Variants in DHRSX observed in about 807,000 individuals in gnomAD.
The protein encoded by DHRSX is polyprenol dehydrogenase.
Under a neutral mutation model 34.0 loss-of-function variants are expected in DHRSX, and 31 were observed. The observed-to-expected ratio is 0.91, with a 90% CI of 0.69 to 1.23. DHRSX has a LOEUF of 1.23. Among genes scored for constraint, DHRSX ranks in the 50% most tolerant of loss-of-function variants. The pLI is 0.00. For synonymous variants in DHRSX, 201 were observed against 183.8 expected (o/e 1.09, Z -0.76); for missense variants, 414 against 428.1 (o/e 0.97, Z 0.29).
chrX:2,321,051 A>C (rs2042305223), intron 3 of DHRSX, among the ~76,000 whole-genome samples: 2 of 152,264 alleles, frequency 1.3e-5, no homozygotes, highest in South Asian at 2.1e-4. Flanking sequence ...TCAGCCGAAC[A>C]CTGGCTCTGA....
chrX:2,428,385 G>A (rs761082487), intron 1 of DHRSX, among the ~76,000 whole-genome samples: 7 of 152,218 alleles, frequency 4.6e-5, no homozygotes, highest in African/African-American at 1.4e-4. Context: ...GCCCATCAAC[G>A]ATAGACTGAA....
At chrX:2,398,553 G>A (rs2043442358) in intron 3 of DHRSX, among the ~76,000 whole-genome samples, 1 of 151,946 alleles carries the variant, frequency 6.6e-6, no homozygotes, top group Non-Finnish European at 1.5e-5. Context: ...ATGTGTGGAT[G>A]TGCTTATTCT....
Position 2,266,874 on chromosome X carries a change from C to T in DHRSX, c.462G>A (p.Gly154=). 1 of 1,613,936 alleles carries T rather than the reference C, an allele frequency of 6.2e-7. No individual in the cohort carries two copies. The highest frequency in any genetic ancestry group is 8.5e-7 in the Non-Finnish European group (1 of 1,179,860). Residue 154 remains glycine (G), a synonymous_variant, in exon 5 of 7, where the codon GGG becomes GGA. Transcript: ENST00000334651. ...AGAGAAGGTTGGTCAGCAGGAAGTGCCCTAGGTAGTTCAGGCCGAAATGTT... is the reference window on the plus strand; with the variant it reads ...AGAGAAGGTTGGTCAGCAGGAAGTGTCCTAGGTAGTTCAGGCCGAAATGTT... ...FEEHFGLNYL[G]HFLLTNLLLD...
intron 4 of DHRSX, among the ~76,000 whole-genome samples, chrX:2,276,976 G>A (rs1260780511): frequency 1.0e-4 from 1 of 9,732 alleles, no homozygotes; most frequent in Non-Finnish European, 2.4e-4. Flanking sequence ...AGGAGGAAAT[G>A]GGGGAAGAGA....
chrX:2,295,332 A>G (rs1425119068), intron 3 of DHRSX, among the ~76,000 whole-genome samples: 18 of 151,244 alleles, frequency 1.2e-4, no homozygotes, highest in African/African-American at 4.2e-4. Flanking sequence ...GGAACAGAAA[A>G]CCAAACACTG....
At chrX:2,245,088 G>C (rs1007747977) in intron 5 of DHRSX, among the ~76,000 whole-genome samples, 31 of 152,154 alleles carry the variant, frequency 2.0e-4, no homozygotes, top group African/African-American at 7.5e-4. Flanking sequence ...CCCCAAAAGC[G>C]GGAAGCTCAA....
chrX:2,231,242 C>T, intron 6 of DHRSX, among the ~76,000 whole-genome samples: 1 of 152,076 alleles, frequency 6.6e-6, no homozygotes, highest in East Asian at 1.9e-4. Flanking sequence ...CACAGACATA[C>T]CCTGTGGAAA....
chrX:2,404,368 C>G (rs1430063347), intron 3 of DHRSX, among the ~76,000 whole-genome samples: 2 of 151,958 alleles, frequency 1.3e-5, no homozygotes, highest in Non-Finnish European at 2.9e-5. Flanking sequence ...TGAGGAAGGG[C>G]CAAGGTGGCA....
At chrX:2,368,978 G>T (rs1212942825) in intron 3 of DHRSX, among the ~76,000 whole-genome samples, 1 of 151,996 alleles carries the variant, frequency 6.6e-6, no homozygotes, top group Non-Finnish European at 1.5e-5. Flanking sequence ...AAATAAAAAA[G>T]AATATTTTGA....
At chrX:2,485,570 G>C (rs2044871367) in intron 1 of DHRSX, among the ~76,000 whole-genome samples, 1 of 129,896 alleles carries the variant, frequency 7.7e-6, no homozygotes, top group Non-Finnish European at 1.6e-5. Flanking sequence ...GAGGGAGGGA[G>C]GAAAGGAAGG....
intron 6 of DHRSX, among the ~76,000 whole-genome samples, chrX:2,225,588 G>C (rs1271543584): frequency 2.0e-5 from 3 of 152,116 alleles, no homozygotes; most frequent in South Asian, 2.1e-4. Context: ...TAGACCTCCA[G>C]CCTCCAGGAC....
At chrX:2,439,886 C>G (rs1378179166) in intron 1 of DHRSX, among the ~76,000 whole-genome samples, 1 of 152,256 alleles carries the variant, frequency 6.6e-6, no homozygotes, top group East Asian at 1.9e-4. Flanking sequence ...ACGCTACTCA[C>G]CTCCTGCTGC....
At position 2,314,352 on chromosome X, in the gene DHRSX, G is replaced by A. The variant is rs866307794; in HGVS notation, c.287-22749C>T. Among the ~76,000 whole-genome samples, 4 of 13,824 alleles carry A rather than the reference G, an allele frequency of 2.9e-4. 1 individual carries two copies. The highest frequency in any genetic ancestry group is 1.6e-3 in the African/African-American group (4 of 2,452). 9.1% of individuals were successfully genotyped at this position (13,824 alleles called of 152,430 possible). A position where few individuals can be genotyped will look rare whatever the true frequency, so the allele number is the denominator to read the frequency against. On this transcript the variant is annotated intron_variant, in intron 3 of 6. Transcript: ENST00000334651. Reference sequence around the variant, plus strand: ...GGAGGGAGGGAGGGAAAGGAGGGAGGGAGGGAAAGAAGGGAGAGAGGGAAA... The same window carrying A: ...GGAGGGAGGGAGGGAAAGGAGGGAGAGAGGGAAAGAAGGGAGAGAGGGAAA...
intron 3 of DHRSX, among the ~76,000 whole-genome samples, chrX:2,306,515 G>A (rs73185783): frequency 0.34 from 50,757 of 149,628 alleles, 10,228 homozygotes; most frequent in Middle Eastern, 0.48. Context: ...AGGCTGGAGC[G>A]CAGTGGTGCG....
intron 3 of DHRSX, among the ~76,000 whole-genome samples, chrX:2,393,563 C>CA (rs2043364407): frequency 6.6e-6 from 1 of 150,530 alleles, no homozygotes. Context: ...CCGGCGCACA[C>CA]AGGACACCCA....
chrX:2,245,646 G>C (rs2016260232), intron 5 of DHRSX, among the ~76,000 whole-genome samples: 1 of 149,422 alleles, frequency 6.7e-6, no homozygotes, highest in South Asian at 2.1e-4. Flanking sequence ...GATGTCTCCT[G>C]TCTCCCTAAA....
At chrX:2,274,723 G>A (rs1449545820) in intron 4 of DHRSX, among the ~76,000 whole-genome samples, 5 of 151,846 alleles carry the variant, frequency 3.3e-5, no homozygotes, top group South Asian at 2.1e-4. Context: ...GAGCCACCGC[G>A]CCCGGCCACG....
chrX:2,448,737 G>A (rs755745106), intron 1 of DHRSX, among the ~76,000 whole-genome samples: 1 of 152,214 alleles, frequency 6.6e-6, no homozygotes, highest in South Asian at 2.1e-4. Context: ...CTATAAAAAT[G>A]ACTCGCATTT....
chrX:2,426,338 C>T (rs2043845919), intron 1 of DHRSX, among the ~76,000 whole-genome samples: 1 of 151,938 alleles, frequency 6.6e-6, no homozygotes. Context: ...CACTTGTCCT[C>T]CCTTCCTTCT....
Sources: gnomAD v4.1 joint callset for allele counts (sites outside exome capture counted in the v4.1 genomes callset) on GRCh38, gnomAD v4.1.1 for gene constraint, MANE v1.5 for transcripts, NCBI Gene and HGNC (gene_info 2026-07-23, HGNC 2026-07-21) for gene names.